The following ITGB7 variants were observed in gnomAD, a reference collection of about 807,000 sequenced individuals.
ITGB7 encodes the protein integrin subunit beta 7.
In ITGB7, 55 loss-of-function variants were observed where a neutral mutation model predicts 83.4. The observed-to-expected ratio is 0.66, with a 90% CI of 0.53 to 0.83. ITGB7 has a LOEUF of 0.83. ITGB7 is among the 40% of genes least tolerant of loss of function. The pLI, the probability that ITGB7 is intolerant of heterozygous loss-of-function variation, is 0.00. For missense variants in ITGB7, 921 were observed against 1,046.7 expected (o/e 0.88, Z 1.66); for synonymous variants, 454 against 423.6 (o/e 1.07, Z -0.88).
chr12:53,193,059 T>A, intron 12 of ITGB7, 81 bp downstream of exon 12: 2 of 1,423,316 alleles, frequency 1.4e-6, no homozygotes, highest in Non-Finnish European at 1.9e-6. Flanking sequence ...ATATTTGCCT[T>A]CCATGCCAGG....
chr12:53,206,037 T>G (rs1437986294), intron 1 of ITGB7, among the ~76,000 whole-genome samples: 2 of 151,898 alleles, frequency 1.3e-5, no homozygotes, highest in Non-Finnish European at 2.9e-5. Context: ...GCCGCATAGG[T>G]TTTTCAGAGA....
chr12:53,195,654 A>G lies in ITGB7; in HGVS notation c.1043T>C (p.Val348Ala). ...SAANIQPIFAVTSAALPVYQE... is the reference protein window; with the variant it reads ...SAANIQPIFAATSAALPVYQE... Reference sequence around the variant, plus strand: ...GTAGACAGGCAGTGCGGCACTGGTGACAGCAAAGATGGGCTGGATATTTGC... The same window carrying G: ...GTAGACAGGCAGTGCGGCACTGGTGGCAGCAAAGATGGGCTGGATATTTGC... Residue 348 changes from valine to alanine, a missense_variant, in exon 8 of 16, where the codon GTC becomes GCC. Physicochemically the swap from Val to Ala is moderately conservative, Grantham distance 64. Coordinates refer to ENST00000267082, the MANE Select transcript of ITGB7 (RefSeq NM_000889.3). 2 of 1,614,108 alleles carry G rather than the reference A, an allele frequency of 1.2e-6. No homozygotes were observed. The highest frequency in any genetic ancestry group is 1.7e-6 in the Non-Finnish European group (2 of 1,179,986).
intron 7 of ITGB7, 79 bp downstream of exon 7, chr12:53,195,962 G>T: frequency 6.5e-7 from 1 of 1,540,028 alleles, no homozygotes; most frequent in Non-Finnish European, 8.9e-7. Flanking sequence ...GGTGAGGACT[G>T]TAAGGCTGGG....
intron 9 of ITGB7, 23 bp downstream of exon 9, chr12:53,195,351 C>G: frequency 1.9e-6 from 3 of 1,551,674 alleles, no homozygotes; most frequent in Non-Finnish European, 2.7e-6. Flanking sequence ...CCCTCACCAT[C>G]TCCCCTTCCC....
rs149181803 is a variant in ITGB7 at position 53,200,390 on chromosome 12, C to G, written c.54G>C (p.Glu18Asp). 1.9e-6 allele frequency: 3 copies of G among 1,614,182 alleles called. No individual in the cohort carries two copies. The highest frequency in any genetic ancestry group is 2.2e-5 in the East Asian group (1 of 44,872). Residue 18 changes from glutamate to aspartate, a missense_variant, in exon 3 of 16, where the codon GAG (glutamate) becomes GAC (aspartate). Physicochemically the swap from Glu to Asp is conservative, Grantham distance 45 (BLOSUM62 2). Coordinates refer to ENST00000267082, the MANE Select transcript of ITGB7 (RefSeq NM_000889.3). Reference protein sequence around the residue: ...LVLLLVLSRGESELDAKIPST... With the variant: ...LVLLLVLSRGDSELDAKIPST... The stretch of plus-strand genomic sequence containing the variant: ...ATGGGATCTTGGCGTCCAATTCACT[C>G]TCACCTCTGCTCAGGACCAGCAGCA...
intron 10 of ITGB7, 104 bp downstream of exon 10, chr12:53,194,094 T>G (rs1592399582): frequency 1.6e-5 from 25 of 1,516,922 alleles, no homozygotes; most frequent in South Asian, 2.4e-5. Flanking sequence ...TACCTCAGGC[T>G]CTCATGTCAC....
Position 53,193,343 on chromosome 12 carries a change from C to T in ITGB7, c.1523G>A (p.Gly508Asp). The T allele has an allele frequency of 6.3e-7, 1 of 1,589,606 alleles. No individual in the cohort carries two copies. Among genetic ancestry groups the T allele is most frequent in the Non-Finnish European group, 8.6e-7 (1 of 1,164,536 alleles). ...GVCSCAPGRLGRLCECSVAEL... is the reference protein window; with the variant it reads ...GVCSCAPGRLDRLCECSVAEL... ...TGCCACAGAGCACTCACAGAGCCGA[C>T]CTAGGCGGCCAGGGGCACAGCTGGA... The change falls in exon 12 of 16, where the codon GGT (glycine) becomes GAT (aspartate). Residue 508 changes from glycine to aspartate, a missense_variant. Transcript: ENST00000267082.
In ITGB7 at chr12:53,195,694, G is replaced by A; in HGVS notation, c.1003C>T (p.Gln335Ter). ...FDYPSVGQVAQALSAANIQPI... is the reference protein window; with the variant it reads ...FDYPSVGQVA ...TGGATATTTGCTGCAGAGAGGGCCTGGGCTACCTGACCCACAGAAGGGTAG... is the reference window on the plus strand; with the variant it reads ...TGGATATTTGCTGCAGAGAGGGCCTAGGCTACCTGACCCACAGAAGGGTAG... Residue 335 changes from glutamine (Q) to a stop codon, truncating the protein, a stop_gained, in exon 8 of 16, where the codon CAG becomes TAG. Coordinates refer to ENST00000267082, the MANE Select transcript of ITGB7 (RefSeq NM_000889.3). LOFTEE classifies it high-confidence loss of function. The A allele has an allele frequency of 6.2e-7, 1 of 1,613,998 alleles. No homozygotes were observed. Among genetic ancestry groups the A allele is most frequent in the Middle Eastern group, 1.7e-4 (1 of 6,058 alleles).
At position 53,197,843 on chromosome 12, in the gene ITGB7, C is replaced by G. The variant is rs759813491; in HGVS notation, c.310G>C (p.Glu104Gln). The G allele has an allele frequency of 1.3e-6, 2 of 1,532,522 alleles. No individual in the cohort carries two copies. The highest frequency in any genetic ancestry group is 1.7e-6 in the Non-Finnish European group (2 of 1,145,092). 94.9% of individuals were successfully genotyped at this position (1,532,522 alleles called of 1,614,324 possible). ...EELEEPRGQQEVLQDQPLSQG... is the reference protein window; with the variant it reads ...EELEEPRGQQQVLQDQPLSQG... Reference sequence around the variant, plus strand: ...CTGAGCGGCTGGTCCTGCAGCACCTCCTGCTGGCCGCGGGGCTCCTCCAGC... The same window carrying G: ...CTGAGCGGCTGGTCCTGCAGCACCTGCTGCTGGCCGCGGGGCTCCTCCAGC... The change falls in exon 4 of 16, where the codon GAG becomes CAG. Residue 104 changes from glutamate (E) to glutamine (Q), a missense_variant. By Grantham distance (29) the Glu-to-Gln change is conservative. Coordinates refer to ENST00000267082, the MANE Select transcript of ITGB7 (RefSeq NM_000889.3).
intron 3 of ITGB7, among the ~76,000 whole-genome samples, chr12:53,199,412 C>G (rs553600191): frequency 5.1e-4 from 77 of 152,274 alleles, no homozygotes; most frequent in African/African-American, 1.8e-3. Flanking sequence ...CCTGTCCAGT[C>G]ATAGGCTACT....
At chr12:53,196,990 G>A in intron 5 of ITGB7, 170 bp from the exon 6 acceptor site, 5 of 694,806 alleles carry the variant, frequency 7.2e-6, no homozygotes, top group Non-Finnish European at 1.2e-5. Context: ...CACTGGCTCA[G>A]GGAAGTGGCA....
In ITGB7 at chr12:53,201,086, G is replaced by T. The variant is rs111386115; in HGVS notation, c.-18C>A. ...GTTCTATTTACCGAGATCCCAAGCC[G>T]TAGTGGTAGAAGAGCCAAACAGGAA... On this transcript the variant is annotated 5_prime_UTR_variant, in exon 2 of 16. Coordinates refer to ENST00000267082, the MANE Select transcript of ITGB7 (RefSeq NM_000889.3). The T allele has an allele frequency of 6.6e-6, 1 of 152,224 alleles. No homozygotes were observed. Among genetic ancestry groups the T allele is most frequent in the Non-Finnish European group, 1.5e-5 (1 of 68,094 alleles). The allele number at this position is 152,224 out of a possible 1,614,324, so 9.4% of individuals were successfully genotyped here. A position where few individuals can be genotyped will look rare whatever the true frequency, so the allele number is the denominator to read the frequency against.
Position 53,199,233 on chromosome 12 carries a change from C to T in ITGB7, c.201+1010G>A, listed in dbSNP as rs375090025. On this transcript the variant is annotated intron_variant, in intron 3 of 15. Transcript: ENST00000267082. ...CCCCCATCCCAGCTTGGGCACCCCT[C>T]CTGCTCTGCTGCTCCATGAGTTCTG... Among the ~76,000 whole-genome samples, 349 of 152,290 alleles carry T rather than the reference C, an allele frequency of 2.3e-3. 4 individuals carry two copies. The highest frequency in any genetic ancestry group is 0.017 in the Middle Eastern group (5 of 294).
Position 53,194,267 on chromosome 12 carries a change from C to T in ITGB7, c.1239G>A (p.Glu413=), listed in dbSNP as rs777948445. 3.1e-6 allele frequency: 5 copies of T among 1,613,964 alleles called. No homozygotes were observed. The highest frequency in any genetic ancestry group is 1.7e-5 in the Admixed American group (1 of 59,998). Residue 413 remains glutamate (E), a synonymous_variant, in exon 10 of 16, where the codon GAG becomes GAA. Coordinates refer to ENST00000267082, the MANE Select transcript of ITGB7 (RefSeq NM_000889.3). The part of the protein sequence containing the change: ...GVHISYESQC[E]GPEKREGKAE... ...CCTTACCCTCCCTCTTCTCAGGACC[C>T]TCACACTGGGATTCGTAAGAAATGT...
chr12:53,204,153 G>C lies in ITGB7; in HGVS notation c.-126-2959C>G, dbSNP rs553746973. Among the ~76,000 whole-genome samples the C allele has an allele frequency of 2.0e-4, 30 of 152,268 alleles. No homozygotes were observed. In the East Asian group the frequency reaches 5.6e-3, roughly 28 times the overall value. ...CCAGCACTTTGGGAGGCCGAGGCGG[G>C]TGGATCACTTGAGATCAGGAGTTCA... On this transcript the variant is annotated intron_variant, in intron 1 of 15. Coordinates refer to ENST00000267082, the MANE Select transcript of ITGB7 (RefSeq NM_000889.3).
rs1375813301 is a variant in ITGB7, at chr12:53,191,608, A to G, written c.2345T>C (p.Ile782Thr). 1.9e-6 allele frequency: 3 copies of G among 1,613,862 alleles called. No homozygotes were observed. Among genetic ancestry groups the G allele is most frequent in the African/African-American group, 1.3e-5 (1 of 74,994 alleles). The change falls in exon 16 of 16, where the codon ATC becomes ACC. Residue 782 changes from isoleucine (I) to threonine (T), a missense_variant. Coordinates refer to ENST00000267082, the MANE Select transcript of ITGB7 (RefSeq NM_000889.3). Reference sequence around the variant, plus strand: ...AAAGCGAGGATTGATGGTGGTCGTGATGGCACTTTTGTAGAGAGGATTACT... The same window carrying G: ...AAAGCGAGGATTGATGGTGGTCGTGGTGGCACTTTTGTAGAGAGGATTACT... ...QDSNPLYKSA[I>T]TTTINPRFQE...
At chr12:53,197,698 C>T (rs774963823) in intron 4 of ITGB7, 35 bp from the exon 5 acceptor site, 2 of 1,605,386 alleles carry the variant, frequency 1.2e-6, no homozygotes. Flanking sequence ...CAGCAGAGCG[C>T]ATTGGAACGC....
chr12:53,206,757 A>G (rs74088994), intron 1 of ITGB7: 5,030 of 152,344 alleles, frequency 0.033, 264 homozygotes, highest in African/African-American at 0.11. Context: ...TCAGTGTCCC[A>G]GGACAGTGGA....
Position 53,196,191 on chromosome 12 carries a change from A to G in ITGB7, c.825T>C (p.Ile275=), listed in dbSNP as rs896990650. 1 of 1,614,038 alleles carries G rather than the reference A, an allele frequency of 6.2e-7. No individual in the cohort carries two copies. Among genetic ancestry groups the G allele is most frequent in the Non-Finnish European group, 8.5e-7 (1 of 1,179,920 alleles). Residue 275 remains isoleucine (I), a synonymous_variant, in exon 7 of 16, where the codon ATT becomes ATC. Transcript: ENST00000267082. Reference sequence around the variant, plus strand: ...GCAGCCGGGACACATTTCTCCAGCCAATCTGCTCCTGAGTTACAGTGGGGG... The same window carrying G: ...GCAGCCGGGACACATTTCTCCAGCCGATCTGCTCCTGAGTTACAGTGGGGG... ...ILQAALCQEQ[I]GWRNVSRLLV...
Sources: allele counts gnomAD v4.1 joint callset (sites outside exome capture counted in the v4.1 genomes callset), GRCh38; gene constraint gnomAD v4.1.1; transcripts MANE v1.5; gene names NCBI Gene and HGNC (gene_info 2026-07-23, HGNC 2026-07-21).